ZNF17: variants seen among roughly 807,000 people sequenced by gnomAD.
ZNF17 encodes zinc finger protein 17 (HPF3, KOX 10).
Under a neutral mutation model 7.7 loss-of-function variants are expected in ZNF17, and 4 were observed. The observed-to-expected ratio is 0.52, with a 90% CI of 0.26 to 1.20. The LOEUF (loss-of-function observed/expected upper bound fraction) is 1.20, where lower values mean the gene tolerates loss of function less well. ZNF17 is among the 50% of genes most tolerant of loss of function. The pLI, the probability that ZNF17 is intolerant of heterozygous loss-of-function variation, is 0.14. For missense variants in ZNF17, 738 were observed against 799.5 expected, an observed-to-expected ratio of 0.92 and a Z score of 0.93; for synonymous variants, 249 against 258.8, an observed-to-expected ratio of 0.96 and a Z score of 0.36.
intron 1 of ZNF17, chr19:57,411,787 G>A (rs2088778718): frequency 3.1e-6 from 2 of 644,068 alleles, no homozygotes; most frequent in Non-Finnish European, 4.1e-6. Flanking sequence ...GGGGACCGCT[G>A]AGGAGACCCC....
In ZNF17 at chr19:57,411,358, C is replaced by G. The variant is rs368574553; in HGVS notation, c.-69C>G. Reference sequence around the variant, plus strand: ...CCAGGTCACTGCCGCTCCCGCCCCGCTCTTCCCTGGCTGTGCTGGCGGAGG... The same window carrying G: ...CCAGGTCACTGCCGCTCCCGCCCCGGTCTTCCCTGGCTGTGCTGGCGGAGG... On this transcript the variant is annotated 5_prime_UTR_variant, in exon 1 of 4. Transcript: ENST00000307658. 2 of 1,611,714 alleles carry G rather than the reference C, an allele frequency of 1.2e-6. No homozygotes were observed. The highest frequency in any genetic ancestry group is 1.7e-5 in the Admixed American group (1 of 59,780).
At chr19:57,413,926 C>G (rs1007674494) in intron 2 of ZNF17, among the ~76,000 whole-genome samples, 7 of 152,166 alleles carry the variant, frequency 4.6e-5, no homozygotes, top group African/African-American at 1.7e-4. Context: ...AGAACTGTAG[C>G]TTAATGTTCT....
intron 3 of ZNF17, 75 bp downstream of exon 3, chr19:57,418,113 T>C (rs1351957264): frequency 6.5e-7 from 1 of 1,548,378 alleles, no homozygotes; most frequent in Non-Finnish European, 8.8e-7. Context: ...CATCTCCGTC[T>C]CACACCAGGT....
Position 57,417,973 on chromosome 19 carries a change from A to G in ZNF17, c.83A>G (p.Asn28Ser), listed in dbSNP as rs775282945. The G allele has an allele frequency of 6.2e-7, 1 of 1,614,146 alleles. No individual in the cohort carries two copies. The highest frequency in any genetic ancestry group is 8.5e-7 in the Non-Finnish European group (1 of 1,180,038). ...HFSQEEWGILNDVQRHLHSDV... is the reference protein window; with the variant it reads ...HFSQEEWGILSDVQRHLHSDV... The stretch of plus-strand genomic sequence containing the variant: ...TCCCAGGAGGAGTGGGGAATTCTTA[A>G]TGACGTTCAGAGACACCTGCACAGC... Residue 28 changes from asparagine to serine, a missense_variant, in exon 3 of 4, where the codon AAT becomes AGT. Coordinates refer to ENST00000307658, the MANE Select transcript of ZNF17 (RefSeq NM_001330617.2).
rs1262537023 is a variant in ZNF17, at chr19:57,421,064, G to A, written c.1578G>A (p.Arg526=). 6.2e-7 allele frequency: 1 copy of A among 1,614,022 alleles called. No individual in the cohort carries two copies. Among genetic ancestry groups the A allele is most frequent in the African/African-American group, 1.3e-5 (1 of 74,922 alleles). Reference sequence around the variant, plus strand: ...ATCAGAGAATTCACACTGGTGAAAGGCCTTATGAGTGTAGTGAATGTGGGA... The same window carrying A: ...ATCAGAGAATTCACACTGGTGAAAGACCTTATGAGTGTAGTGAATGTGGGA... ...DTHQRIHTGE[R]PYECSECGKF... The change falls in exon 4 of 4, where the codon AGG becomes AGA. Residue 526 remains arginine (R), a synonymous_variant. Transcript: ENST00000307658.
Position 57,421,609 on chromosome 19 carries a change from C to T in ZNF17, c.*128C>T. On this transcript the variant is annotated 3_prime_UTR_variant, in exon 4 of 4. Coordinates refer to ENST00000307658, the MANE Select transcript of ZNF17 (RefSeq NM_001330617.2). ...GATAACATAAAATCTAACATCTTAACCATGTTAAAGTGTATAGTTCAGTAC... is the reference window on the plus strand; with the variant it reads ...GATAACATAAAATCTAACATCTTAATCATGTTAAAGTGTATAGTTCAGTAC... The T allele has an allele frequency of 1.8e-6, 2 of 1,116,062 alleles. No homozygotes were observed. The highest frequency in any genetic ancestry group is 2.5e-6 in the Non-Finnish European group (2 of 797,488). 69.1% of individuals were successfully genotyped at this position (1,116,062 alleles called of 1,614,324 possible). A position where few individuals can be genotyped will look rare whatever the true frequency, so the allele number is the denominator to read the frequency against.
intron 1 of ZNF17, among the ~76,000 whole-genome samples, chr19:57,412,258 A>G (rs972424034): frequency 1.4e-4 from 21 of 152,050 alleles, no homozygotes; most frequent in Non-Finnish European, 2.9e-5. Context: ...GAACAATAGG[A>G]AGGTCATCCA....
At position 57,420,691 on chromosome 19, in the gene ZNF17, C is replaced by T. The variant is rs762258840; in HGVS notation, c.1205C>T (p.Thr402Ile). The T allele has an allele frequency of 9.3e-6, 15 of 1,613,504 alleles. No homozygotes were observed. The highest frequency in any genetic ancestry group is 1.3e-5 in the African/African-American group (1 of 74,798). Reference sequence around the variant, plus strand: ...GGGAAATTCTTTAGATACCGTTCCACACTCATTAGACATCAGAAAGTTCAC... The same window carrying T: ...GGGAAATTCTTTAGATACCGTTCCATACTCATTAGACATCAGAAAGTTCAC... Reference protein sequence around the residue: ...ECGKFFRYRSTLIRHQKVHTG... With the variant: ...ECGKFFRYRSILIRHQKVHTG... The change falls in exon 4 of 4, where the codon ACA (threonine) becomes ATA (isoleucine). Residue 402 changes from threonine (T) to isoleucine (I), a missense_variant. Thr to Ile is a moderately conservative substitution (Grantham distance 89). Coordinates refer to ENST00000307658, the MANE Select transcript of ZNF17 (RefSeq NM_001330617.2).
At position 57,420,377 on chromosome 19, in the gene ZNF17, TCA is replaced by T. The variant is rs1385693014; in HGVS notation, c.895_896del (p.Thr299GlnfsTer8). On this transcript the variant is annotated frameshift_variant, in exon 4 of 4. Transcript: ENST00000307658. LOFTEE classifies it low-confidence loss of function (END_TRUNC). ...CTCACCTACTTCAGCACCAGAGGAT[TCA>T]CACCAGGCCAAGGCCTTATGTGTGT... The part of the protein sequence containing the change: ...KSHLLQHQRI[H>X]TRPRPYVCSE... 4.3e-6 allele frequency: 7 copies of T among 1,614,098 alleles called. No individual in the cohort carries two copies. The highest frequency in any genetic ancestry group is 5.9e-6 in the Non-Finnish European group (7 of 1,180,008).
chr19:57,416,875 A>AGT (rs1410122722), intron 2 of ZNF17, among the ~76,000 whole-genome samples: 2 of 152,150 alleles, frequency 1.3e-5, no homozygotes, highest in African/African-American at 4.8e-5. Context: ...TACTGGAGTC[A>AGT]GTGATCAGTG....
rs1251951515 is a variant in ZNF17 at position 57,420,702 on chromosome 19, C to T, written c.1216C>T (p.His406Tyr). 1.9e-6 allele frequency: 3 copies of T among 1,613,962 alleles called. No individual in the cohort carries two copies. Among genetic ancestry groups the T allele is most frequent in the Non-Finnish European group, 2.5e-6 (3 of 1,180,018 alleles). Residue 406 changes from histidine (H) to tyrosine (Y), a missense_variant, in exon 4 of 4, where the codon CAT (histidine) becomes TAT (tyrosine). By Grantham distance (83) the His-to-Tyr change is moderately conservative. Around this residue, in one of 3 missense-constraint regions of ZNF17, gnomAD observed 616 missense variants for 663.9 expected, o/e 0.93. Coordinates refer to ENST00000307658, the MANE Select transcript of ZNF17 (RefSeq NM_001330617.2). ...TAGATACCGTTCCACACTCATTAGA[C>T]ATCAGAAAGTTCACACTGGAGAAAA... ...FFRYRSTLIR[H>Y]QKVHTGEKPY...
intron 2 of ZNF17, among the ~76,000 whole-genome samples, chr19:57,416,381 C>T (rs12971716): frequency 4.6e-5 from 7 of 152,030 alleles, no homozygotes; most frequent in Non-Finnish European, 1.0e-4. Context: ...GATGGTTCCA[C>T]CTCTGGCACT....
chr19:57,412,212 C>T (rs1288971124), intron 1 of ZNF17, among the ~76,000 whole-genome samples: 2 of 152,130 alleles, frequency 1.3e-5, no homozygotes, highest in South Asian at 4.1e-4. Flanking sequence ...GATTTCTGCA[C>T]CTGCAGACCC....
chr19:57,420,501 A>T lies in ZNF17; in HGVS notation c.1015A>T (p.Lys339Ter). ...ERPYGCNECG[K>*]YFMYSSALIR... Reference sequence around the variant, plus strand: ...GCCTTATGGATGCAATGAATGTGGGAAATACTTTATGTACAGTTCAGCACT... The same window carrying T: ...GCCTTATGGATGCAATGAATGTGGGTAATACTTTATGTACAGTTCAGCACT... Residue 339 changes from lysine to a stop codon, truncating the protein, a stop_gained, in exon 4 of 4, where the codon AAA becomes TAA. Coordinates refer to ENST00000307658, the MANE Select transcript of ZNF17 (RefSeq NM_001330617.2). LOFTEE classifies it low-confidence loss of function (END_TRUNC). 6.2e-7 allele frequency: 1 copy of T among 1,614,204 alleles called. No individual in the cohort carries two copies. The highest frequency in any genetic ancestry group is 8.5e-7 in the Non-Finnish European group (1 of 1,180,040).
rs1355974913 is a variant in ZNF17, at chr19:57,421,276, C to G, written c.1790C>G (p.Ser597Cys). 6.2e-7 allele frequency: 1 copy of G among 1,613,814 alleles called. No homozygotes were observed. Among genetic ancestry groups the G allele is most frequent in the East Asian group, 2.2e-5 (1 of 44,814 alleles). Reference protein sequence around the residue: ...SKCGKFFMDSSTLISHERVHT... With the variant: ...SKCGKFFMDSCTLISHERVHT... ...TGTGGGAAATTTTTTATGGACAGCTCCACACTCATTAGTCATGAGAGAGTT... is the reference window on the plus strand; with the variant it reads ...TGTGGGAAATTTTTTATGGACAGCTGCACACTCATTAGTCATGAGAGAGTT... The change falls in exon 4 of 4, where the codon TCC (serine) becomes TGC (cysteine). Residue 597 changes from serine to cysteine, a missense_variant. This residue lies in a region of ZNF17 where 116 missense variants were observed against 114.0 expected (regional missense o/e 1.02). Transcript: ENST00000307658.
Position 57,413,607 on chromosome 19 carries a change from G to A in ZNF17, c.-9G>A, listed in dbSNP as rs1350847041. On this transcript the variant is annotated 5_prime_UTR_variant, in exon 2 of 4. In the 5' UTR this introduces an upstream ATG that the reference lacks. Coordinates refer to ENST00000307658, the MANE Select transcript of ZNF17 (RefSeq NM_001330617.2). The stretch of plus-strand genomic sequence containing the variant: ...GCCTCTTCCCACAGGGTTCATAGCA[G>A]TGGCAGCAATGCTTATGGATGCTGG... 6.5e-7 allele frequency: 1 copy of A among 1,535,972 alleles called. No individual in the cohort carries two copies. Among genetic ancestry groups the A allele is most frequent in the African/African-American group, 1.4e-5 (1 of 73,054 alleles).
At position 57,421,117 on chromosome 19, in the gene ZNF17, T is replaced by C. The variant is rs775884009; in HGVS notation, c.1631T>C (p.Ile544Thr). 11 of 1,613,826 alleles carry C rather than the reference T, an allele frequency of 6.8e-6. No individual in the cohort carries two copies. Among genetic ancestry groups the C allele is most frequent in the African/African-American group, 1.3e-5 (1 of 74,926 alleles). The change falls in exon 4 of 4, where the codon ATT (isoleucine) becomes ACT (threonine). Residue 544 changes from isoleucine to threonine, a missense_variant. Physicochemically the swap from Ile to Thr is moderately conservative, Grantham distance 89. Coordinates refer to ENST00000307658, the MANE Select transcript of ZNF17 (RefSeq NM_001330617.2). ...GKFFRHNSNH[I>T]RHRRNHFGER... Reference sequence around the variant, plus strand: ...TTCTTTAGGCACAACTCAAATCATATTAGACATCGGAGAAATCACTTTGGA... The same window carrying C: ...TTCTTTAGGCACAACTCAAATCATACTAGACATCGGAGAAATCACTTTGGA...
chr19:57,412,598 C>A (rs544373584), intron 1 of ZNF17, among the ~76,000 whole-genome samples: 36 of 152,010 alleles, frequency 2.4e-4, no homozygotes, highest in Admixed American at 1.2e-3. Flanking sequence ...GTGCCCGCCA[C>A]CACGCCAGGC....
At chr19:57,417,292 G>T (rs2088816752) in intron 2 of ZNF17, among the ~76,000 whole-genome samples, 1 of 152,094 alleles carries the variant, frequency 6.6e-6, no homozygotes, top group South Asian at 2.1e-4. Flanking sequence ...GGAAAGGCAT[G>T]CAGGGGAGAG....
Sources: gnomAD v4.1 joint callset for allele counts (sites outside exome capture counted in the v4.1 genomes callset) on GRCh38, gnomAD v4.1.1 for gene constraint, gnomAD v4.1.1 regional missense constraint, MANE v1.5 for transcripts, NCBI Gene and HGNC (gene_info 2026-07-23, HGNC 2026-07-21) for gene names.